The following NIBAN3 variants were observed in gnomAD, a reference collection of about 807,000 sequenced individuals.
NIBAN3 encodes protein Niban 3.
In NIBAN3, 66 loss-of-function variants were observed where a neutral mutation model predicts 76.4. The observed-to-expected ratio is 0.86, with a 90% confidence interval of 0.71 to 1.06. The LOEUF (loss-of-function observed/expected upper bound fraction) is 1.06, where lower values mean the gene tolerates loss of function less well. NIBAN3 is among the 50% of genes least tolerant of loss of function. The pLI is 0.00. For synonymous variants in NIBAN3, 360 were observed against 355.2 expected, an observed-to-expected ratio of 1.01 and a Z score of -0.15; for missense variants, 808 against 810.7, an observed-to-expected ratio of 1.00 and a Z score of 0.04.
In NIBAN3 at chr19:17,532,355, G is replaced by C. The variant is rs1599715206; in HGVS notation, c.279G>C (p.Gly93=). ...RWQPIFCVLR[G]DGRLEWFSHK... ...AGCCGATCTTCTGTGTTCTGCGTGG[G>C]GACGGCCGCCTAGAGTGGTTCAGCC... Residue 93 remains glycine, a synonymous_variant, in exon 3 of 15, where the codon GGG becomes GGC. Coordinates refer to ENST00000599164, the MANE Select transcript of NIBAN3 (RefSeq NM_001321827.2). 1.2e-6 allele frequency: 2 copies of C among 1,614,170 alleles called. No homozygotes were observed. Among genetic ancestry groups the C allele is most frequent in the African/African-American group, 1.3e-5 (1 of 75,054 alleles).
In NIBAN3 at chr19:17,527,366, T is replaced by C. The variant is rs556705255; in HGVS notation, c.26T>C (p.Leu9Pro). 5 of 1,521,318 alleles carry C rather than the reference T, an allele frequency of 3.3e-6. No homozygotes were observed. In the South Asian group the frequency reaches 3.6e-5, roughly 11 times the overall value. 94.2% of individuals were successfully genotyped at this position (1,521,318 alleles called of 1,614,324 possible). A position where few individuals can be genotyped will look rare whatever the true frequency, so the allele number is the denominator to read the frequency against. ...ATGGGTGGGCGGCCTTCGAGCCCTC[T>C]GGACAAGCAGCAGCGGCAGCACCTA... MGGRPSSP[L>P]DKQQRQHLRG... The change falls in exon 1 of 15, where the codon CTG becomes CCG. Residue 9 changes from leucine to proline, a missense_variant. Leu to Pro is a moderately conservative substitution (Grantham distance 98, BLOSUM62 -3). Transcript: ENST00000599164.
rs1050954345 is a variant in NIBAN3 at position 17,542,373 on chromosome 19, G to C, written c.1329+79G>C. On this transcript the variant is annotated intron_variant, in intron 10 of 14. Transcript: ENST00000599164. This position sits in a 1 kb window ranked among gnomAD's most constrained non-coding sequence, Gnocchi z 4.8. ...GACCTCCTGCTAAGTGTGCCCTGGA[G>C]AGACCACGATGATCGAGACAACTCC... 2.8e-6 allele frequency: 4 copies of C among 1,450,944 alleles called. No individual in the cohort carries two copies. Among genetic ancestry groups the C allele is most frequent in the Non-Finnish European group, 2.8e-6 (3 of 1,078,078 alleles). The allele number at this position is 1,450,944 out of a possible 1,614,324, so 89.9% of individuals were successfully genotyped here.
chr19:17,555,460 A>G (rs537764793), downstream of NIBAN3: 9 of 223,020 alleles, frequency 4.0e-5, no homozygotes, highest in South Asian at 1.2e-3. Flanking sequence ...CGCTACCCCT[A>G]ACATCCCTTC....
intron 4 of NIBAN3, among the ~76,000 whole-genome samples, chr19:17,534,564 G>A (rs1041386667): frequency 2.6e-5 from 4 of 152,080 alleles, no homozygotes; most frequent in Non-Finnish European, 5.9e-5. Context: ...GGCTGAGGCG[G>A]GCAGATCATG....
intron 4 of NIBAN3, 130 bp from the exon 5 acceptor site, chr19:17,537,244 GGT>G: frequency 1.1e-6 from 1 of 931,792 alleles, no homozygotes; most frequent in Non-Finnish European, 1.6e-6. Context: ...GAATAAGGAT[GGT>G]GGCAAGTATC....
rs765853441 is a variant in NIBAN3 at position 17,539,558 on chromosome 19, C to A, written c.817-45C>A. The A allele has an allele frequency of 1.1e-5, 17 of 1,483,084 alleles. No individual in the cohort carries two copies. The South Asian group carries it at 2.3e-4, about 20-fold the overall frequency. The allele number at this position is 1,483,084 out of a possible 1,614,324, so 91.9% of individuals were successfully genotyped here. The stretch of plus-strand genomic sequence containing the variant: ...CTCCCGATCTCTCTGACCCCCATCC[C>A]CGCCCCGTGTCTCGGCTTTGTCCCC... On this transcript the variant is annotated intron_variant, in intron 7 of 14. Transcript: ENST00000599164.
chr19:17,534,790 C>CAAAAA (rs751685692), intron 4 of NIBAN3, among the ~76,000 whole-genome samples: 7 of 75,754 alleles, frequency 9.2e-5, no homozygotes, highest in East Asian at 3.0e-4. Context: ...GACTCCATCT[C>CAAAAA]AAAAAAAAAA....
intron 4 of NIBAN3, among the ~76,000 whole-genome samples, chr19:17,535,941 A>G (rs2075817739): frequency 6.6e-6 from 1 of 152,106 alleles, no homozygotes. Context: ...AACAATAAAT[A>G]AAAGAAAGCA....
intron 13 of NIBAN3, among the ~76,000 whole-genome samples, 198 bp from the exon 14 acceptor site, chr19:17,549,246 G>A (rs1202357110): frequency 6.6e-6 from 1 of 152,146 alleles, no homozygotes; most frequent in Non-Finnish European, 1.5e-5. Context: ...GGTGGGACTG[G>A]CAGTGTCCAG....
Position 17,553,125 on chromosome 19 carries a change from T to C in NIBAN3, c.*1227T>C, listed in dbSNP as rs1053185712. 2.3e-6 allele frequency: 2 copies of C among 867,200 alleles called. No homozygotes were observed. The highest frequency in any genetic ancestry group is 1.7e-5 in the African/African-American group (1 of 58,418). The allele number at this position is 867,200 out of a possible 1,614,324, so 53.7% of individuals were successfully genotyped here. Reference sequence around the variant, plus strand: ...ATTAGCCATTTACATGTTTGTAGTTTTTTTTTTTTTAATTTCAGTGAATTG... The same window carrying C: ...ATTAGCCATTTACATGTTTGTAGTTCTTTTTTTTTTAATTTCAGTGAATTG... On this transcript the variant is annotated 3_prime_UTR_variant, in exon 15 of 15. Transcript: ENST00000599164.
At chr19:17,534,663 C>A (rs1354242045) in intron 4 of NIBAN3, among the ~76,000 whole-genome samples, 1 of 151,912 alleles carries the variant, frequency 6.6e-6, no homozygotes, top group Non-Finnish European at 1.5e-5. Context: ...TGGTGGCGGG[C>A]ACCTGTAGTC....
chr19:17,539,615 G>A lies in NIBAN3; in HGVS notation c.829G>A (p.Val277Ile), dbSNP rs865895788. 6.4e-7 allele frequency: 1 copy of A among 1,555,850 alleles called. No homozygotes were observed. Among genetic ancestry groups the A allele is most frequent in the South Asian group, 1.2e-5 (1 of 85,196 alleles). The change falls in exon 8 of 15, where the codon GTT (valine) becomes ATT (isoleucine). Residue 277 changes from valine (V) to isoleucine (I), a missense_variant. By Grantham distance (29) the Val-to-Ile change is conservative (BLOSUM62 3). Transcript: ENST00000599164. The stretch of plus-strand genomic sequence containing the variant: ...CCGGTCTGGGCAGCTTCTAGACGCC[G>A]TTCACGCAGCTGTCCTGGCCGGGGC... ...AWAWTELLDA[V>I]HAAVLAGASA... is the part of the protein sequence containing the mutation.
rs576383672 is a variant in NIBAN3, at chr19:17,528,785, G to A, written c.55+1390G>A. Among the ~76,000 whole-genome samples the A allele has an allele frequency of 5.9e-5, 9 of 152,236 alleles. No individual in the cohort carries two copies. In the South Asian group the frequency reaches 8.3e-4, roughly 14 times the overall value. On this transcript the variant is annotated intron_variant, in intron 1 of 14. Coordinates refer to ENST00000599164, the MANE Select transcript of NIBAN3 (RefSeq NM_001321827.2). ...CCAAGGTGACCTCATGGCACAGAAC[G>A]GCTGCTGGAGCTCCAGCCATTGGGT...
intron 9 of NIBAN3, 98 bp downstream of exon 9, chr19:17,540,680 T>A: frequency 1.0e-6 from 1 of 982,332 alleles, no homozygotes. Context: ...TCTAGGCTGC[T>A]TTTTACTTAT....
chr19:17,551,386 C>A (rs2076153542), intron 14 of NIBAN3, among the ~76,000 whole-genome samples: 1 of 151,776 alleles, frequency 6.6e-6, no homozygotes, highest in Non-Finnish European at 1.5e-5. Context: ...TGAGCCACTG[C>A]ACCCGGCCTA....
Position 17,542,358 on chromosome 19 carries a change from T to G in NIBAN3, c.1329+64T>G. On this transcript the variant is annotated intron_variant, in intron 10 of 14. Transcript: ENST00000599164. This position sits in a 1 kb window ranked among gnomAD's most constrained non-coding sequence, Gnocchi z 4.8. Reference sequence around the variant, plus strand: ...AAGACAGCCTCCACTGACCTCCTGCTAAGTGTGCCCTGGAGAGACCACGAT... The same window carrying G: ...AAGACAGCCTCCACTGACCTCCTGCGAAGTGTGCCCTGGAGAGACCACGAT... The G allele has an allele frequency of 3.3e-6, 5 of 1,510,148 alleles. No individual in the cohort carries two copies. Among genetic ancestry groups the G allele is most frequent in the Non-Finnish European group, 4.5e-6 (5 of 1,121,670 alleles). 93.5% of individuals were successfully genotyped at this position (1,510,148 alleles called of 1,614,324 possible).
At chr19:17,527,181 G>C, upstream of NIBAN3, 2 of 1,524,280 alleles carry the variant, frequency 1.3e-6, no homozygotes, top group Non-Finnish European at 1.8e-6. Context: ...GGCCCCAGGG[G>C]AGTGGGGAGG....
intron 5 of NIBAN3, among the ~76,000 whole-genome samples, chr19:17,538,445 C>G (rs1032392463): frequency 6.7e-6 from 1 of 149,452 alleles, no homozygotes; most frequent in African/African-American, 2.5e-5. Context: ...GATGAGGGGC[C>G]AGCCAGATGA....
intron 4 of NIBAN3, among the ~76,000 whole-genome samples, chr19:17,536,432 G>A (rs1193679432): frequency 6.6e-6 from 1 of 151,966 alleles, no homozygotes. Flanking sequence ...CACGTGATCC[G>A]CCTGCCTCAG....
Sources: allele counts gnomAD v4.1 joint callset (sites outside exome capture counted in the v4.1 genomes callset), GRCh38; gene constraint gnomAD v4.1.1; non-coding constraint Gnocchi (gnomAD v3.1); transcripts MANE v1.5; gene names NCBI Gene and HGNC (gene_info 2026-07-23, HGNC 2026-07-21).